DLC1: variants seen among roughly 807,000 people sequenced by gnomAD.
DLC1 encodes the protein DLC1 Rho GTPase activating protein.
Under a neutral mutation model 140.3 loss-of-function variants are expected in DLC1, and 54 were observed. The ratio of observed to expected loss-of-function variants is 0.38; its 90% CI spans 0.31 to 0.48. DLC1 has a LOEUF of 0.48. Among genes scored for constraint, DLC1 ranks in the 20% least tolerant of loss-of-function variants. DLC1 has a pLI of 0.96. For synonymous variants in DLC1, 986 were observed against 728.1 expected (o/e 1.35, Z -5.70); for missense variants, 2,536 against 1,907.0 (o/e 1.33, Z -6.14).
In DLC1 at chr8:13,587,105, C is replaced by CACACACACACACAT. The variant is rs879540746; in HGVS notation, c.-126+17431_-126+17432insATGTGTGTGTGTGT. Among the ~76,000 whole-genome samples the CACACACACACACAT allele has an allele frequency of 2.7e-3, 405 of 150,230 alleles. 2 individuals are homozygous for CACACACACACACAT. Among genetic ancestry groups the CACACACACACACAT allele is most frequent in the African/African-American group, 6.1e-3 (250 of 40,760 alleles). On this transcript the variant is annotated intron_variant, in intron 1 of 1. Coordinates refer to the DLC1 transcript ENST00000631382. ...ACACACACACACACACACACACACA[C>CACACACACACACAT]ATTCATGCATGCGCCTATCCACAGA...
intron 5 of DLC1, among the ~76,000 whole-genome samples, chr8:13,177,418 T>C (rs1391025090): frequency 6.6e-6 from 1 of 152,204 alleles, no homozygotes; most frequent in Non-Finnish European, 1.5e-5. Flanking sequence ...TATAGAGAAC[T>C]AAAAGAACCC....
chr8:13,234,165 C>G (rs560776942), intron 5 of DLC1, among the ~76,000 whole-genome samples: 1 of 152,082 alleles, frequency 6.6e-6, no homozygotes, highest in East Asian at 1.9e-4. Flanking sequence ...AAGCTGTTAC[C>G]TTTTTAAAAA....
At chr8:13,255,991 G>C (rs1454915298) in intron 5 of DLC1, among the ~76,000 whole-genome samples, 1 of 152,022 alleles carries the variant, frequency 6.6e-6, no homozygotes, top group East Asian at 1.9e-4. Context: ...AGCATATTTG[G>C]GTTTGAAGAA....
Position 13,375,735 on chromosome 8 carries a change from A to ATT in DLC1, c.1314+17816_1314+17817dup, listed in dbSNP as rs369790217. ...ATGACTGTTATTTTATTTTATTTTTATTTTTTTGCTGTGAGATGAGAAAGG... is the reference window on the plus strand; with the variant it reads ...ATGACTGTTATTTTATTTTATTTTTATTTTTTTTTGCTGTGAGATGAGAAAGG... On this transcript the variant is annotated intron_variant, in intron 4 of 17. Coordinates refer to ENST00000276297, the MANE Select transcript of DLC1 (RefSeq NM_182643.3). 9.5e-4 allele frequency among the ~76,000 whole-genome samples: 143 copies of ATT among 150,700 alleles called. 1 individual carries two copies. The East Asian group carries it at 0.025, about 26-fold the overall frequency.
chr8:13,595,823 A>G (rs1289897020), intron 1 of DLC1, among the ~76,000 whole-genome samples: 1 of 151,992 alleles, frequency 6.6e-6, no homozygotes, highest in East Asian at 1.9e-4. Flanking sequence ...TTTCTTGTAG[A>G]CTCACAAATG....
At chr8:13,513,620 T>C (rs1385538861) in intron 1 of DLC1, among the ~76,000 whole-genome samples, 5 of 152,310 alleles carry the variant, frequency 3.3e-5, no homozygotes, top group African/African-American at 4.8e-5. Flanking sequence ...TTCTATAAAA[T>C]GATGAATTTT....
chr8:13,468,811 C>CTTTTTTTTTTTT lies in DLC1; in HGVS notation c.1023+30226_1023+30237dup, dbSNP rs78775803. ...GTTGATTCTCCCAATTTTATGTCTG[C>CTTTTTTTTTTTT]TTTTTTTTTTTTTTTTTTTTTTTTT... On this transcript the variant is annotated intron_variant, in intron 2 of 17. Transcript: ENST00000276297. 4.9e-4 allele frequency among the ~76,000 whole-genome samples: 44 copies of CTTTTTTTTTTTT among 89,962 alleles called. 8 individuals are homozygous for CTTTTTTTTTTTT. Among genetic ancestry groups the CTTTTTTTTTTTT allele is most frequent in the South Asian group, 2.2e-3 (5 of 2,262 alleles). The allele number at this position is 89,962 out of a possible 152,430, so 59.0% of individuals were successfully genotyped here. A position where few individuals can be genotyped will look rare whatever the true frequency, so the allele number is the denominator to read the frequency against.
At chr8:13,536,463 G>A (rs962796901) in intron 1 of DLC1, among the ~76,000 whole-genome samples, 3 of 152,312 alleles carry the variant, frequency 2.0e-5, no homozygotes, top group African/African-American at 7.2e-5. Flanking sequence ...AGGAATGAAA[G>A]TCATAAGAAA....
Position 13,086,427 on chromosome 8 carries a change from G to C in DLC1, c.4329C>G (p.Ala1443=). Reference sequence around the variant, plus strand: ...CGTGATCCACAGAGGTTAGTAAAAGGGCACAGGCTCCTTTGGGTAAATTAG... The same window carrying C: ...CGTGATCCACAGAGGTTAGTAAAAGCGCACAGGCTCCTTTGGGTAAATTAG... ...WRTNLPKGAC[A]LLLTSVDHDR... Residue 1443 remains alanine, a synonymous_variant, in exon 17 of 18, where the codon GCC becomes GCG. Coordinates refer to ENST00000276297, the MANE Select transcript of DLC1 (RefSeq NM_182643.3). 6.2e-7 allele frequency: 1 copy of C among 1,614,224 alleles called. No homozygotes were observed. The highest frequency in any genetic ancestry group is 1.1e-5 in the South Asian group (1 of 91,082).
chr8:13,586,044 G>T (rs1427641634), intron 1 of DLC1, among the ~76,000 whole-genome samples: 1 of 152,098 alleles, frequency 6.6e-6, no homozygotes, highest in Non-Finnish European at 1.5e-5. Flanking sequence ...TCTCAACCAT[G>T]GCTGCACATT....
chr8:13,496,855 C>T (rs1801538217), intron 2 of DLC1, among the ~76,000 whole-genome samples: 1 of 120,844 alleles, frequency 8.3e-6, no homozygotes, highest in Admixed American at 1.2e-4. Flanking sequence ...GGCTGGAGTG[C>T]AGTGGTGCAA....
At chr8:13,267,654 C>T (rs578246884) in intron 5 of DLC1, among the ~76,000 whole-genome samples, 2 of 152,184 alleles carry the variant, frequency 1.3e-5, no homozygotes, top group South Asian at 2.1e-4. Flanking sequence ...ATGACTTTTA[C>T]ACCAGCAACC....
At chr8:13,089,359 G>A (rs756450531) in intron 15 of DLC1, among the ~76,000 whole-genome samples, 1 of 151,898 alleles carries the variant, frequency 6.6e-6, no homozygotes, top group East Asian at 1.9e-4. Context: ...AGGGCATGGT[G>A]GCTCACGCCT....
At chr8:13,588,314 A>T (rs1805400840) in intron 1 of DLC1, among the ~76,000 whole-genome samples, 1 of 152,154 alleles carries the variant, frequency 6.6e-6, no homozygotes, top group Admixed American at 6.6e-5. Flanking sequence ...ATTACCGAAG[A>T]GAGAGAATCC....
At chr8:13,372,466 T>C (rs1388930267) in intron 4 of DLC1, among the ~76,000 whole-genome samples, 1 of 152,186 alleles carries the variant, frequency 6.6e-6, no homozygotes, top group Non-Finnish European at 1.5e-5. Flanking sequence ...AAACAAATTC[T>C]TCTGTGTTGA....
chr8:13,272,011 C>CTCATGAGACGCCTCTCATGAGGCGTCA (rs1830951834), intron 5 of DLC1, among the ~76,000 whole-genome samples: 1 of 152,204 alleles, frequency 6.6e-6, no homozygotes, highest in Non-Finnish European at 1.5e-5. Context: ...TGTGACGTCA[C>CTCATGAGACGCCTCTCATGAGGCGTCA]ATATCTCAAT....
rs547737556 is a variant in DLC1 at position 13,319,819 on chromosome 8, C to CTTTTTTTTTTTTTTTTTT, written c.1315-14518_1315-14517insAAAAAAAAAAAAAAAAAA. Among the ~76,000 whole-genome samples the CTTTTTTTTTTTTTTTTTT allele has an allele frequency of 9.2e-5, 7 of 76,150 alleles. 1 individual carries two copies. The highest frequency in any genetic ancestry group is 3.0e-4 in the African/African-American group (6 of 20,288). 50.0% of individuals were successfully genotyped at this position (76,150 alleles called of 152,430 possible). On this transcript the variant is annotated intron_variant, in intron 4 of 17. Coordinates refer to ENST00000276297, the MANE Select transcript of DLC1 (RefSeq NM_182643.3). ...CCAACCATTGTTTAATTCTCTCTCT[C>CTTTTTTTTTTTTTTTTTT]TCTTTTTTTTTTTTTTTTTTTGAGA...
chr8:13,214,576 TGGCTGCCCGA>T, intron 5 of DLC1: 1 of 650,358 alleles, frequency 1.5e-6, no homozygotes, highest in Non-Finnish European at 2.8e-6. Context: ...TTTTTTTTTG[TGGCTGCCCGA>T]GGAAATTGGA....
intron 2 of DLC1, among the ~76,000 whole-genome samples, chr8:13,450,707 A>G (rs1798999192): frequency 1.3e-5 from 2 of 152,156 alleles, no homozygotes; most frequent in Admixed American, 1.3e-4. Flanking sequence ...ATTAACAGCC[A>G]TCAACATAGT....
Sources: gnomAD v4.1 joint callset for allele counts (sites outside exome capture counted in the v4.1 genomes callset) on GRCh38, gnomAD v4.1.1 for gene constraint, MANE v1.5 for transcripts, NCBI Gene and HGNC (gene_info 2026-07-23, HGNC 2026-07-21) for gene names.